SHISA4: variants seen among roughly 807,000 people sequenced by gnomAD.
SHISA4 encodes the protein shisa family member 4, also known as protein shisa-4.
SHISA4 carries 16 observed loss-of-function variants against 24.2 expected under a neutral mutation model. The ratio of observed to expected loss-of-function variants is 0.66; its 90% CI spans 0.45 to 1.00. The LOEUF is 1.00. SHISA4 is among the 50% of genes least tolerant of loss of function. SHISA4 has a pLI of 0.00. For missense variants in SHISA4, 238 were observed against 258.9 expected, an observed-to-expected ratio of 0.92 and a Z score of 0.55; for synonymous variants, 106 against 105.4, an observed-to-expected ratio of 1.01 and a Z score of -0.04.
At chr1:201,890,341 C>A in intron 2 of SHISA4, 113 bp from the exon 3 acceptor site, 1 of 1,415,062 alleles carries the variant, frequency 7.1e-7, no homozygotes, top group Non-Finnish European at 9.6e-7. Context: ...CCACAAGGAA[C>A]CCCAAATCTC....
chr1:201,891,982 C>A lies in SHISA4; in HGVS notation c.*136C>A. ...CCCCAGACCAAGCCAAGCCCTGGGCCCTACTGGGGACAGAGCCCCAGGGAA... is the reference window on the plus strand; with the variant it reads ...CCCCAGACCAAGCCAAGCCCTGGGCACTACTGGGGACAGAGCCCCAGGGAA... On this transcript the variant is annotated 3_prime_UTR_variant, in exon 5 of 5. Coordinates refer to ENST00000362011, the MANE Select transcript of SHISA4 (RefSeq NM_198149.3). The A allele has an allele frequency of 2.0e-6, 2 of 1,002,976 alleles. No homozygotes were observed. Among genetic ancestry groups the A allele is most frequent in the East Asian group, 2.4e-5 (1 of 41,850 alleles). 62.1% of individuals were successfully genotyped at this position (1,002,976 alleles called of 1,614,324 possible).
At chr1:201,888,845 G>C (rs900646320), upstream of SHISA4, 5 of 434,028 alleles carry the variant, frequency 1.2e-5, no homozygotes, top group African/African-American at 8.2e-5. Flanking sequence ...GGGTTAGCGC[G>C]GGCGGGGCGC....
intron 1 of SHISA4, 69 bp from the exon 2 acceptor site, chr1:201,889,376 G>T (rs1681048325): frequency 6.3e-7 from 1 of 1,589,922 alleles, no homozygotes; most frequent in African/African-American, 1.3e-5. Context: ...CGCCGGGGGA[G>T]TGGGGCCGAG....
In SHISA4 at chr1:201,888,916, G is replaced by A. The variant is rs1460122204; in HGVS notation, c.-79G>A. 3 of 1,035,636 alleles carry A rather than the reference G, an allele frequency of 2.9e-6. No homozygotes were observed. The highest frequency in any genetic ancestry group is 1.7e-5 in the African/African-American group (1 of 59,602). The allele number at this position is 1,035,636 out of a possible 1,614,324, so 64.2% of individuals were successfully genotyped here. On this transcript the variant is annotated 5_prime_UTR_variant, in exon 1 of 5. Coordinates refer to ENST00000362011, the MANE Select transcript of SHISA4 (RefSeq NM_198149.3). ...CGAGCCTGGCCGCGGGCTGGGCCCCGCCGCAGCTCCAGCTGGCCGGCTTGG... is the reference window on the plus strand; with the variant it reads ...CGAGCCTGGCCGCGGGCTGGGCCCCACCGCAGCTCCAGCTGGCCGGCTTGG...
At position 201,889,387 on chromosome 1, in the gene SHISA4, C is replaced by T. The variant is rs143560923; in HGVS notation, c.74-58C>T. 4.9e-3 allele frequency: 7,767 copies of T among 1,595,786 alleles called. 556 individuals are homozygous for T. The Admixed American group carries it at 0.12, about 25-fold the overall frequency. On this transcript the variant is annotated intron_variant, in intron 1 of 4. Coordinates refer to ENST00000362011, the MANE Select transcript of SHISA4 (RefSeq NM_198149.3). ...GGACCGCCGGGGGAGTGGGGCCGAG[C>T]GCGGCTGGGGATGAACTGGCCTGGT...
At chr1:201,890,366 C>A in intron 2 of SHISA4, 88 bp from the exon 3 acceptor site, 1 of 1,531,344 alleles carries the variant, frequency 6.5e-7, no homozygotes, top group Admixed American at 1.9e-5. Context: ...TGCCATGGCC[C>A]CCCTGCTGGC....
intron 3 of SHISA4, among the ~76,000 whole-genome samples, chr1:201,890,876 A>G (rs1681081057): frequency 6.6e-6 from 1 of 152,240 alleles, no homozygotes; most frequent in Non-Finnish European, 1.5e-5. Flanking sequence ...GGGTGTATGC[A>G]TACATATGAC....
chr1:201,888,793 T>C, upstream of SHISA4: 1 of 378,746 alleles, frequency 2.6e-6, no homozygotes, highest in Non-Finnish European at 4.7e-6. Flanking sequence ...TGGGCGTCGC[T>C]GGTGGGTGGA....
Position 201,891,451 on chromosome 1 carries a change from C to G in SHISA4, c.430C>G (p.Pro144Ala). 1.2e-6 allele frequency: 2 copies of G among 1,613,904 alleles called. No homozygotes were observed. Among genetic ancestry groups the G allele is most frequent in the Non-Finnish European group, 1.7e-6 (2 of 1,179,940 alleles). Reference sequence around the variant, plus strand: ...CCCAGTGCAGCCAGTATACCCATACCCCCAGGACCCCAAAGCTGGCCCTGC... The same window carrying G: ...CCCAGTGCAGCCAGTATACCCATACGCCCAGGACCCCAAAGCTGGCCCTGC... ...GIPVQPVYPY[P>A]QDPKAGPAPP... Residue 144 changes from proline (P) to alanine (A), a missense_variant, in exon 4 of 5, where the codon CCC (proline) becomes GCC (alanine). By Grantham distance (27) the Pro-to-Ala change is conservative (BLOSUM62 -1). Transcript: ENST00000362011.
chr1:201,891,882 G>A lies in SHISA4; in HGVS notation c.*36G>A. 1 of 1,611,924 alleles carries A rather than the reference G, an allele frequency of 6.2e-7. No individual in the cohort carries two copies. Among genetic ancestry groups the A allele is most frequent in the Non-Finnish European group, 8.5e-7 (1 of 1,178,134 alleles). ...ATGTCTCTGCTGCCCCTTCAGTGATGCCAACCTTGGGAGATGCCCTCATCC... is the reference window on the plus strand; with the variant it reads ...ATGTCTCTGCTGCCCCTTCAGTGATACCAACCTTGGGAGATGCCCTCATCC... On this transcript the variant is annotated 3_prime_UTR_variant, in exon 5 of 5. Coordinates refer to ENST00000362011, the MANE Select transcript of SHISA4 (RefSeq NM_198149.3).
chr1:201,888,948 G>T lies in SHISA4; in HGVS notation c.-47G>T. The T allele has an allele frequency of 1.5e-6, 2 of 1,311,220 alleles. No homozygotes were observed. Among genetic ancestry groups the T allele is most frequent in the Non-Finnish European group, 2.0e-6 (2 of 1,011,386 alleles). The allele number at this position is 1,311,220 out of a possible 1,614,324, so 81.2% of individuals were successfully genotyped here. ...CTCCAGCTGGCCGGCTTGGTCCTGCGGTCCCTTCTCTGGGAGGCCCGACCC... is the reference window on the plus strand; with the variant it reads ...CTCCAGCTGGCCGGCTTGGTCCTGCTGTCCCTTCTCTGGGAGGCCCGACCC... On this transcript the variant is annotated 5_prime_UTR_variant, in exon 1 of 5. Coordinates refer to ENST00000362011, the MANE Select transcript of SHISA4 (RefSeq NM_198149.3).
chr1:201,889,091 G>T lies in SHISA4; in HGVS notation c.73+24G>T, dbSNP rs1226431272. On this transcript the variant is annotated intron_variant, in intron 1 of 4. Coordinates refer to ENST00000362011, the MANE Select transcript of SHISA4 (RefSeq NM_198149.3). ...GGGTAAGGGGATGGGGAGAGATGCGGCAGGAGTGGGATGGGGGCGGAGGAA... is the reference window on the plus strand; with the variant it reads ...GGGTAAGGGGATGGGGAGAGATGCGTCAGGAGTGGGATGGGGGCGGAGGAA... 4.3e-6 allele frequency: 6 copies of T among 1,398,730 alleles called. No individual in the cohort carries two copies. In the South Asian group the frequency reaches 8.4e-5, roughly 20 times the overall value. 86.6% of individuals were successfully genotyped at this position (1,398,730 alleles called of 1,614,324 possible).
At chr1:201,889,171 C>A in intron 1 of SHISA4, 104 bp downstream of exon 1, 1 of 1,148,940 alleles carries the variant, frequency 8.7e-7, no homozygotes, top group Non-Finnish European at 1.2e-6. Context: ...GACCCTCCGG[C>A]TGCCACGGGA....
Position 201,892,547 on chromosome 1 carries a change from T to C in SHISA4, c.*701T>C, listed in dbSNP as rs1310322740. ...GCTCTGAAGAGATGCTCGTTTGCAC[T>C]ACAGATATTCCCTGCTAGGGATCAA... On this transcript the variant is annotated 3_prime_UTR_variant, in exon 5 of 5. Transcript: ENST00000362011. Among the ~76,000 whole-genome samples the C allele has an allele frequency of 6.6e-6, 1 of 152,128 alleles. No homozygotes were observed. Among genetic ancestry groups the C allele is most frequent in the Non-Finnish European group, 1.5e-5 (1 of 68,014 alleles).
chr1:201,891,960 C>T lies in SHISA4; in HGVS notation c.*114C>T, dbSNP rs1280790395. The T allele has an allele frequency of 5.5e-6, 7 of 1,268,912 alleles. No homozygotes were observed. In the Admixed American group the frequency reaches 1.2e-4, roughly 22 times the overall value. 78.6% of individuals were successfully genotyped at this position (1,268,912 alleles called of 1,614,324 possible). A position where few individuals can be genotyped will look rare whatever the true frequency, so the allele number is the denominator to read the frequency against. On this transcript the variant is annotated 3_prime_UTR_variant, in exon 5 of 5. Transcript: ENST00000362011. Reference sequence around the variant, plus strand: ...CAGGAGTCCTCCAGCCACCAGGCCCCAGACCAAGCCAAGCCCTGGGCCCTA... The same window carrying T: ...CAGGAGTCCTCCAGCCACCAGGCCCTAGACCAAGCCAAGCCCTGGGCCCTA...
intron 4 of SHISA4, 58 bp downstream of exon 4, chr1:201,891,626 C>A (rs1203062898): frequency 6.4e-7 from 1 of 1,560,962 alleles, no homozygotes; most frequent in Non-Finnish European, 8.8e-7. Context: ...TGCCCTGCGA[C>A]CTCCCCTGTG....
Position 201,892,086 on chromosome 1 carries a change from G to A in SHISA4, c.*240G>A. ...TATGGGCTATTTTTACTGGGGGCAA[G>A]GGAGGGAGATGACAGCCTGGGTCAC... is the stretch of plus-strand genomic sequence containing the variant. On this transcript the variant is annotated 3_prime_UTR_variant, in exon 5 of 5. Transcript: ENST00000362011. The A allele has an allele frequency of 1.8e-6, 1 of 545,062 alleles. No homozygotes were observed. The highest frequency in any genetic ancestry group is 3.3e-6 in the Non-Finnish European group (1 of 304,344). 33.8% of individuals were successfully genotyped at this position (545,062 alleles called of 1,614,324 possible).
Position 201,891,839 on chromosome 1 carries a change from G to C in SHISA4, c.587G>C (p.Gly196Ala). The change falls in exon 5 of 5, where the codon GGA (glycine) becomes GCA (alanine). Residue 196 changes from glycine (G) to alanine (A), a missense_variant. Coordinates refer to ENST00000362011, the MANE Select transcript of SHISA4 (RefSeq NM_198149.3). ...PYMPPQPSYP[G>A]A ...ATGCCACCACAGCCCTCTTACCCGGGAGCCTGAGGAACCAGCCATGTCTCT... is the reference window on the plus strand; with the variant it reads ...ATGCCACCACAGCCCTCTTACCCGGCAGCCTGAGGAACCAGCCATGTCTCT... 1.2e-6 allele frequency: 2 copies of C among 1,613,922 alleles called. No individual in the cohort carries two copies. The highest frequency in any genetic ancestry group is 1.7e-6 in the Non-Finnish European group (2 of 1,179,940).
chr1:201,891,676 A>C (rs1681102820), intron 4 of SHISA4, 108 bp downstream of exon 4: 1 of 1,532,810 alleles, frequency 6.5e-7, no homozygotes, highest in African/African-American at 1.4e-5. Flanking sequence ...GACTTCCTCC[A>C]CCTCTAGCCC....
Sources: gnomAD v4.1 joint callset for allele counts (sites outside exome capture counted in the v4.1 genomes callset) on GRCh38, gnomAD v4.1.1 for gene constraint, MANE v1.5 for transcripts, NCBI Gene and HGNC (gene_info 2026-07-23, HGNC 2026-07-21) for gene names.